SCARA5: variants seen among roughly 807,000 people sequenced by gnomAD.
SCARA5 encodes the protein scavenger receptor class A member 5.
SCARA5 carries 45 observed loss-of-function variants against 46.3 expected under a neutral mutation model. That is an observed-to-expected ratio of 0.97 (90% confidence interval 0.76 to 1.24). The LOEUF is 1.24. Among genes scored for constraint, SCARA5 ranks in the 50% most tolerant of loss-of-function variants. The pLI is 0.00. For synonymous variants in SCARA5, 333 were observed against 306.5 expected (o/e 1.09, Z -0.90); for missense variants, 680 against 689.0 (o/e 0.99, Z 0.15).
intron 7 of SCARA5, among the ~76,000 whole-genome samples, chr8:27,890,947 C>T (rs1334555524): frequency 6.6e-5 from 10 of 152,118 alleles, no homozygotes; most frequent in East Asian, 1.9e-4. Flanking sequence ...AAGCAAGCAG[C>T]GTGGTGGGTG....
intron 2 of SCARA5, among the ~76,000 whole-genome samples, chr8:27,977,190 C>G (rs1231092482): frequency 1.3e-5 from 2 of 152,154 alleles, no homozygotes; most frequent in African/African-American, 4.8e-5. Context: ...GGCTCCACCC[C>G]CATGACCTAA....
At position 27,871,650 on chromosome 8, in the gene SCARA5, T is replaced by C; in HGVS notation, c.*284A>G. On this transcript the variant is annotated 3_prime_UTR_variant, in exon 9 of 9. Transcript: ENST00000354914. ...GGATATTGAGGCCTGGTGCATGGTG[T>C]TCAGAGGCTGGGCAAAGTGGTGATC... 7.6e-7 allele frequency: 1 copy of C among 1,321,836 alleles called. No homozygotes were observed. The highest frequency in any genetic ancestry group is 9.7e-7 in the Non-Finnish European group (1 of 1,030,866). 81.9% of individuals were successfully genotyped at this position (1,321,836 alleles called of 1,614,324 possible). A position where few individuals can be genotyped will look rare whatever the true frequency, so the allele number is the denominator to read the frequency against.
chr8:27,927,450 C>T (rs558651467), intron 3 of SCARA5, among the ~76,000 whole-genome samples: 1 of 152,320 alleles, frequency 6.6e-6, no homozygotes, highest in African/African-American at 2.4e-5. Flanking sequence ...GTTTTTCTAA[C>T]TCTGTTCATA....
chr8:27,977,671 A>G (rs1324263252), intron 2 of SCARA5, among the ~76,000 whole-genome samples: 1 of 152,152 alleles, frequency 6.6e-6, no homozygotes, highest in African/African-American at 2.4e-5. Context: ...CACTGTCATA[A>G]GACTTGACAC....
Position 27,972,700 on chromosome 8 carries a change from C to CA in SCARA5, c.113-6159dup, listed in dbSNP as rs891447590. 4.0e-5 allele frequency among the ~76,000 whole-genome samples: 6 copies of CA among 151,826 alleles called. No individual in the cohort carries two copies. In the South Asian group the frequency reaches 1.0e-3, roughly 26 times the overall value. On this transcript the variant is annotated intron_variant, in intron 2 of 8. Coordinates refer to ENST00000354914, the MANE Select transcript of SCARA5 (RefSeq NM_173833.6). The stretch of plus-strand genomic sequence containing the variant: ...GCAACATAATCTGACCCTATCTCTA[C>CA]AAAAAATTTTTTTAATTAGCCTAGG...
intron 3 of SCARA5, among the ~76,000 whole-genome samples, chr8:27,945,242 T>C (rs1269210448): frequency 1.3e-5 from 2 of 151,730 alleles, no homozygotes; most frequent in African/African-American, 2.4e-5. Flanking sequence ...ATAATACTGG[T>C]GCCTCCCTTA....
intron 6 of SCARA5, among the ~76,000 whole-genome samples, chr8:27,906,931 A>G (rs1199775052): frequency 6.6e-6 from 1 of 152,162 alleles, no homozygotes; most frequent in Non-Finnish European, 1.5e-5. Context: ...GGTCCTCTCA[A>G]AATGCTGGAA....
Position 27,871,768 on chromosome 8 carries a change from G to A in SCARA5, c.*166C>T, listed in dbSNP as rs1806641830. ...ATACTTCGGAGCACATGTTCAAGAG[G>A]GAAATGACGACCGGCCCCCACGGTC... On this transcript the variant is annotated 3_prime_UTR_variant, in exon 9 of 9. Coordinates refer to ENST00000354914, the MANE Select transcript of SCARA5 (RefSeq NM_173833.6). The A allele has an allele frequency of 6.9e-7, 1 of 1,456,764 alleles. No individual in the cohort carries two copies. Among genetic ancestry groups the A allele is most frequent in the African/African-American group, 1.4e-5 (1 of 70,596 alleles). The allele number at this position is 1,456,764 out of a possible 1,614,324, so 90.2% of individuals were successfully genotyped here.
chr8:27,922,236 G>T lies in SCARA5; in HGVS notation c.251C>A (p.Pro84Gln), dbSNP rs1190984032. Residue 84 changes from proline to glutamine, a missense_variant, in exon 4 of 9, where the codon CCG becomes CAG. Transcript: ENST00000354914. Reference protein sequence around the residue: ...VGIFILAVSRPRSSPDDLKAL... With the variant: ...VGIFILAVSRQRSSPDDLKAL... ...CTTCAGGTCGTCAGGGGAGCTGCGC[G>T]GCCTGGACACTGCGGAGGAGGAAGA... 4 of 1,558,420 alleles carry T rather than the reference G, an allele frequency of 2.6e-6. No homozygotes were observed. The highest frequency in any genetic ancestry group is 3.5e-6 in the Non-Finnish European group (4 of 1,150,892).
chr8:27,895,730 G>A (rs1389575034), intron 7 of SCARA5, among the ~76,000 whole-genome samples: 1 of 152,116 alleles, frequency 6.6e-6, no homozygotes. Flanking sequence ...GGGGTACTTG[G>A]GACTTTGCTG....
chr8:27,919,870 A>C (rs2727007), intron 4 of SCARA5, among the ~76,000 whole-genome samples: 53,260 of 147,798 alleles, frequency 0.36, 9,857 homozygotes, highest in African/African-American at 0.39. Flanking sequence ...ATGAGATACA[A>C]CTGGCACAGT....
chr8:27,971,383 C>T (rs1323675624), intron 2 of SCARA5, among the ~76,000 whole-genome samples: 1 of 152,208 alleles, frequency 6.6e-6, no homozygotes, highest in Admixed American at 6.5e-5. Context: ...TCTTTGTCTT[C>T]ACTTCAGAGT....
intron 7 of SCARA5, among the ~76,000 whole-genome samples, chr8:27,885,218 T>C (rs180685774): frequency 2.0e-5 from 3 of 151,952 alleles, no homozygotes; most frequent in Admixed American, 1.3e-4. Flanking sequence ...TTTGGACGAG[T>C]AGAGAAGGAA....
chr8:27,901,287 C>T (rs76191527), intron 7 of SCARA5, among the ~76,000 whole-genome samples: 1,618 of 152,180 alleles, frequency 0.011, 68 homozygotes, highest in East Asian at 0.096. Flanking sequence ...TTGCTGCTAA[C>T]GGCACGGGCT....
intron 2 of SCARA5, among the ~76,000 whole-genome samples, chr8:27,984,673 C>A (rs1808676388): frequency 6.6e-6 from 1 of 151,986 alleles, no homozygotes. Flanking sequence ...TCCATTCACC[C>A]ATCCATCCAT....
intron 8 of SCARA5, among the ~76,000 whole-genome samples, chr8:27,878,397 G>A (rs1806758112): frequency 6.6e-6 from 1 of 152,120 alleles, no homozygotes; most frequent in African/African-American, 2.4e-5. Flanking sequence ...TGTGCATGTG[G>A]GACCATTGTT....
chr8:27,899,066 G>A (rs1022671844), intron 7 of SCARA5, among the ~76,000 whole-genome samples: 3 of 152,178 alleles, frequency 2.0e-5, no homozygotes, highest in Non-Finnish European at 4.4e-5. Flanking sequence ...TCTGTGAGTT[G>A]GGTTCTAGCA....
chr8:27,944,075 T>A (rs1403205683), intron 3 of SCARA5, among the ~76,000 whole-genome samples: 1 of 152,124 alleles, frequency 6.6e-6, no homozygotes, highest in African/African-American at 2.4e-5. Flanking sequence ...AAACCCAAGT[T>A]AAAGGACAGG....
At chr8:27,896,216 G>A (rs1434934309) in intron 7 of SCARA5, among the ~76,000 whole-genome samples, 2 of 152,196 alleles carry the variant, frequency 1.3e-5, no homozygotes. Flanking sequence ...AGCCCTCCTT[G>A]CTGTACACCC....
Sources: allele counts gnomAD v4.1 joint callset (sites outside exome capture counted in the v4.1 genomes callset), GRCh38; gene constraint gnomAD v4.1.1; transcripts MANE v1.5; gene names NCBI Gene and HGNC (gene_info 2026-07-23, HGNC 2026-07-21).